CEP128: variants seen among roughly 807,000 people sequenced by gnomAD.
CEP128 encodes the protein centrosomal protein 128kDa.
Under a neutral mutation model 156.7 loss-of-function variants are expected in CEP128, and 132 were observed. That is an observed-to-expected ratio of 0.84 (90% CI 0.73 to 0.97). CEP128 has a LOEUF of 0.97. Ranked by LOEUF, CEP128 falls within the 50% of genes least tolerant of loss-of-function variation. The pLI is 0.00. For synonymous variants in CEP128, 469 were observed against 448.9 expected (o/e 1.04, Z -0.57); for missense variants, 1,252 against 1,281.9 (o/e 0.98, Z 0.36).
intron 20 of CEP128, among the ~76,000 whole-genome samples, chr14:80,578,694 CTCTGATAATCATA>C (rs952825278): frequency 6.6e-6 from 1 of 152,178 alleles, no homozygotes. Context: ...AAACTATCAC[CTCTGATAATCATA>C]TGTGAATATA....
intron 13 of CEP128, among the ~76,000 whole-genome samples, chr14:80,799,823 GTTAT>G (rs1883731058): frequency 6.6e-6 from 1 of 152,070 alleles, no homozygotes. Flanking sequence ...CCTGTTTTCT[GTTAT>G]TTAAGATGTT....
chr14:80,884,373 G>A (rs1888695132), intron 8 of CEP128, among the ~76,000 whole-genome samples: 1 of 152,194 alleles, frequency 6.6e-6, no homozygotes, highest in Non-Finnish European at 1.5e-5. Context: ...TGTCAAGATG[G>A]CTGAATAAGA....
chr14:80,729,056 GGGGTGTGT>G (rs1318602151), intron 19 of CEP128, among the ~76,000 whole-genome samples: 1,216 of 88,180 alleles, frequency 0.014, 97 homozygotes, highest in African/African-American at 0.03. Flanking sequence ...TGGGCTGGTG[GGGGTGTGT>G]GTGTGTGTGT....
intron 13 of CEP128, among the ~76,000 whole-genome samples, chr14:80,798,856 T>G (rs533758666): frequency 6.6e-6 from 1 of 152,326 alleles, no homozygotes; most frequent in Admixed American, 6.5e-5. Context: ...CACTTGACAG[T>G]GAACACACAC....
intron 8 of CEP128, among the ~76,000 whole-genome samples, chr14:80,883,867 G>A (rs1290048393): frequency 1.4e-4 from 21 of 152,082 alleles, no homozygotes. Context: ...CATAGAACTG[G>A]CATAGAAACA....
chr14:80,814,352 T>A (rs1318302291), intron 13 of CEP128, among the ~76,000 whole-genome samples: 1 of 152,184 alleles, frequency 6.6e-6, no homozygotes, highest in East Asian at 1.9e-4. Flanking sequence ...TTTCTATCAT[T>A]TTGTCCCCTT....
At chr14:80,559,660 T>C (rs372855423) in intron 20 of CEP128, among the ~76,000 whole-genome samples, 11 of 152,218 alleles carry the variant, frequency 7.2e-5, no homozygotes, top group African/African-American at 2.7e-4. Flanking sequence ...AGTAGTGATA[T>C]AGACAAGGAA....
chr14:80,871,750 T>C (rs1439051386), intron 8 of CEP128, among the ~76,000 whole-genome samples: 3 of 152,146 alleles, frequency 2.0e-5, no homozygotes, highest in Admixed American at 1.3e-4. Context: ...CATTATCAAC[T>C]AAGTTTAAGA....
chr14:80,788,719 T>C (rs1901550276), intron 14 of CEP128, among the ~76,000 whole-genome samples: 1 of 152,124 alleles, frequency 6.6e-6, no homozygotes, highest in Non-Finnish European at 1.5e-5. Flanking sequence ...GATCCTCTCT[T>C]GCCCCTTACC....
intron 19 of CEP128, among the ~76,000 whole-genome samples, chr14:80,598,184 T>C (rs1892424875): frequency 6.6e-6 from 1 of 151,756 alleles, no homozygotes; most frequent in Non-Finnish European, 1.5e-5. Flanking sequence ...GTTGTCATCA[T>C]GAAAAAAAAT....
intron 19 of CEP128, among the ~76,000 whole-genome samples, chr14:80,733,920 T>C (rs1399288092): frequency 6.6e-6 from 1 of 152,218 alleles, no homozygotes; most frequent in African/African-American, 2.4e-5. Flanking sequence ...TTAGAGGACA[T>C]AGATAATTTT....
chr14:80,563,815 G>C (rs536552789), intron 20 of CEP128, among the ~76,000 whole-genome samples: 1 of 152,052 alleles, frequency 6.6e-6, no homozygotes, highest in African/African-American at 2.4e-5. Flanking sequence ...GATTACAGGC[G>C]TGAGTCACTG....
At chr14:80,899,431 A>G (rs1438648561) in intron 7 of CEP128, among the ~76,000 whole-genome samples, 5 of 152,234 alleles carry the variant, frequency 3.3e-5, no homozygotes, top group African/African-American at 1.2e-4. Flanking sequence ...TTTAAATTAA[A>G]TAACAGCTAT....
chr14:80,499,564 A>G (rs1391813294), intron 24 of CEP128, among the ~76,000 whole-genome samples: 1 of 152,192 alleles, frequency 6.6e-6, no homozygotes, highest in Non-Finnish European at 1.5e-5. Flanking sequence ...TTTAACAAAC[A>G]TTATGTTTTC....
intron 19 of CEP128, among the ~76,000 whole-genome samples, chr14:80,638,013 T>C (rs1327623199): frequency 6.6e-6 from 1 of 152,144 alleles, no homozygotes; most frequent in Non-Finnish European, 1.5e-5. Flanking sequence ...ACTTCAGACT[T>C]CTGGCCTCCA....
At chr14:80,573,570 T>G (rs921500343) in intron 20 of CEP128, among the ~76,000 whole-genome samples, 1 of 152,194 alleles carries the variant, frequency 6.6e-6, no homozygotes, top group African/African-American at 2.4e-5. Flanking sequence ...GGATTAATAT[T>G]AAGTTGCAAA....
At chr14:80,644,876 C>G (rs1397928506) in intron 19 of CEP128, among the ~76,000 whole-genome samples, 3 of 152,000 alleles carry the variant, frequency 2.0e-5, no homozygotes, top group African/African-American at 7.2e-5. Flanking sequence ...AGAACATATT[C>G]AACAATATGT....
At chr14:80,515,927 G>A (rs1888466027) in intron 23 of CEP128, among the ~76,000 whole-genome samples, 1 of 152,148 alleles carries the variant, frequency 6.6e-6, no homozygotes, top group South Asian at 2.1e-4. Flanking sequence ...GGAGTGCAAT[G>A]GTGCAACTGC....
chr14:80,776,589 CA>C (rs1900807189), intron 16 of CEP128, among the ~76,000 whole-genome samples: 1 of 149,150 alleles, frequency 6.7e-6, no homozygotes, highest in Non-Finnish European at 1.5e-5. Flanking sequence ...TTATACACAA[CA>C]AAAAGCGGAA....
Sources: gnomAD v4.1 joint callset for allele counts (sites outside exome capture counted in the v4.1 genomes callset) on GRCh38, gnomAD v4.1.1 for gene constraint, MANE v1.5 for transcripts, NCBI Gene and HGNC (gene_info 2026-07-23, HGNC 2026-07-21) for gene names.